Variants in RGS6 observed in about 807,000 individuals in gnomAD.
RGS6 encodes regulator of G protein signaling 6, also known as regulator of G-protein signaling 6.
Under a neutral mutation model 78.5 loss-of-function variants are expected in RGS6, and 30 were observed. The observed-to-expected ratio is 0.38, with a 90% CI of 0.29 to 0.52. RGS6 has a LOEUF of 0.52. Ranked by LOEUF, RGS6 falls within the 20% of genes least tolerant of loss-of-function variation. The pLI, the probability that RGS6 is intolerant of heterozygous loss-of-function variation, is 0.85. For synonymous variants in RGS6, 206 were observed against 206.0 expected, an observed-to-expected ratio of 1.00 and a Z score of 0.00; for missense variants, 495 against 609.7, an observed-to-expected ratio of 0.81 and a Z score of 1.98.
intron 2 of RGS6, among the ~76,000 whole-genome samples, chr14:72,106,894 T>A (rs907151206): frequency 6.6e-6 from 1 of 152,154 alleles, no homozygotes; most frequent in Non-Finnish European, 1.5e-5. Flanking sequence ...GTCCTGTCCT[T>A]TTGCTAAGAC....
intron 3 of RGS6, among the ~76,000 whole-genome samples, chr14:72,425,847 G>A (rs1277773308): frequency 6.6e-6 from 1 of 152,104 alleles, no homozygotes; most frequent in Non-Finnish European, 1.5e-5. Context: ...TTGCTTTGTG[G>A]CTTATCATTG....
chr14:72,193,038 G>A (rs2153722561), intron 2 of RGS6, among the ~76,000 whole-genome samples: 1 of 150,824 alleles, frequency 6.6e-6, no homozygotes, highest in African/African-American at 2.4e-5. Flanking sequence ...TGTCACTCAG[G>A]CTGGAGTGCA....
At chr14:72,053,254 G>A (rs1286999020) in intron 2 of RGS6, among the ~76,000 whole-genome samples, 1 of 150,098 alleles carries the variant, frequency 6.7e-6, no homozygotes, top group African/African-American at 2.5e-5. Flanking sequence ...CGAGTAGCTG[G>A]GGCTACAGCT....
chr14:71,896,608 G>T, the RGS6 span, among the ~76,000 whole-genome samples: 2 of 152,294 alleles, frequency 1.3e-5, no homozygotes, highest in East Asian at 3.9e-4. Context: ...AGCCCAGTAG[G>T]TCTCAGCCTC....
At chr14:71,983,858 C>T (rs2094567045) in intron 2 of RGS6, among the ~76,000 whole-genome samples, 1 of 152,198 alleles carries the variant, frequency 6.6e-6, no homozygotes, top group South Asian at 2.1e-4. Context: ...CAACTCAATC[C>T]ACAACAATTT....
chr14:72,205,442 A>T (rs1159868681), intron 2 of RGS6, among the ~76,000 whole-genome samples: 4 of 152,144 alleles, frequency 2.6e-5, no homozygotes, highest in Non-Finnish European at 5.9e-5. Flanking sequence ...AAATTTTTCA[A>T]AATGGTAGTA....
At chr14:71,891,012 T>C in the RGS6 span, among the ~76,000 whole-genome samples, 1 of 152,218 alleles carries the variant, frequency 6.6e-6, no homozygotes, top group Non-Finnish European at 1.5e-5. Flanking sequence ...TTCTCTGTGA[T>C]GTCTGGGGGA....
intron 2 of RGS6, among the ~76,000 whole-genome samples, chr14:72,210,885 G>A (rs538890839): frequency 6.6e-6 from 1 of 151,852 alleles, no homozygotes; most frequent in South Asian, 2.1e-4. Context: ...CTGTAATTGA[G>A]CAATAAACAA....
intron 1 of RGS6, among the ~76,000 whole-genome samples, chr14:71,941,289 A>G (rs111549149): frequency 0.062 from 9,398 of 152,240 alleles, 540 homozygotes; most frequent in East Asian, 0.2. Context: ...AGTTTCTGCC[A>G]AGGACTATCA....
chr14:72,012,527 G>T (rs1486624319), intron 2 of RGS6, among the ~76,000 whole-genome samples: 1 of 151,920 alleles, frequency 6.6e-6, no homozygotes, highest in Non-Finnish European at 1.5e-5. Flanking sequence ...GGATTTTTAG[G>T]CTCTTGCACC....
intron 17 of RGS6, chr14:72,540,665 G>C: frequency 7.2e-7 from 1 of 1,391,236 alleles, no homozygotes; most frequent in South Asian, 1.1e-5. Context: ...CTCTGCATGA[G>C]TCCCTTCCAG....
intron 2 of RGS6, among the ~76,000 whole-genome samples, chr14:72,259,198 A>C (rs1230766374): frequency 6.6e-6 from 1 of 152,182 alleles, no homozygotes; most frequent in Non-Finnish European, 1.5e-5. Context: ...AAAAAGTTTG[A>C]TCCAACATTT....
At chr14:72,506,984 T>TAAAAAAGAA (rs2096811003) in intron 13 of RGS6, among the ~76,000 whole-genome samples, 1 of 54,378 alleles carries the variant, frequency 1.8e-5, no homozygotes, top group Non-Finnish European at 4.0e-5. Context: ...CTGTCTCTAC[T>TAAAAAAGAA]AAAAAAAAAA....
rs983017524 is a variant in RGS6, at chr14:72,265,586, A to G, written c.85-86509A>G. Among the ~76,000 whole-genome samples, 9 of 152,120 alleles carry G rather than the reference A, an allele frequency of 5.9e-5. No homozygotes were observed. The South Asian group carries it at 1.9e-3, about 32-fold the overall frequency. On this transcript the variant is annotated intron_variant, in intron 2 of 17. Transcript: ENST00000553525. ...CAACCACCCCCTTCCCATTAACTCT[A>G]CCATCACCACCTGCCGCTAACTACT...
At chr14:72,552,708 A>T (rs1425304592) in intron 17 of RGS6, 1 of 152,184 alleles carries the variant, frequency 6.6e-6, no homozygotes, top group Admixed American at 6.5e-5. Context: ...GTAGTGGAGG[A>T]GTCAGAAGCA....
At chr14:72,610,691 A>G in the RGS6 span, among the ~76,000 whole-genome samples, 1 of 152,206 alleles carries the variant, frequency 6.6e-6, no homozygotes, top group African/African-American at 2.4e-5. Context: ...CCGTGTTCTC[A>G]GCCTGAGAGC....
intron 2 of RGS6, among the ~76,000 whole-genome samples, chr14:72,295,899 G>A (rs1170467270): frequency 6.6e-6 from 1 of 152,194 alleles, no homozygotes; most frequent in Non-Finnish European, 1.5e-5. Context: ...TACATACAGT[G>A]AAATACATAG....
intron 2 of RGS6, among the ~76,000 whole-genome samples, chr14:72,099,252 T>C (rs1239669286): frequency 6.6e-6 from 1 of 152,062 alleles, no homozygotes. Flanking sequence ...CTCTGCCTCC[T>C]GGGTTCATGC....
Position 72,474,621 on chromosome 14 carries a change from T to C in RGS6, c.619-4T>C, listed in dbSNP as rs768714560. On this transcript the variant is annotated splice_polypyrimidine_tract_variant and splice_region_variant and intron_variant, in intron 9 of 17. Transcript: ENST00000553525. ...ATTTATATGATGTGTTTTTTTTTTC[T>C]CAGCCAGGCTGTGTGAACACAACAG... 1.3e-6 allele frequency: 2 copies of C among 1,594,024 alleles called. No homozygotes were observed. The highest frequency in any genetic ancestry group is 2.7e-5 in the African/African-American group (2 of 73,310).
Sources: gnomAD v4.1 joint callset for allele counts (sites outside exome capture counted in the v4.1 genomes callset) on GRCh38, gnomAD v4.1.1 for gene constraint, MANE v1.5 for transcripts, NCBI Gene and HGNC (gene_info 2026-07-23, HGNC 2026-07-21) for gene names.